Variants in KIAA0586 observed in about 807,000 individuals in gnomAD.
The protein encoded by KIAA0586 is KIAA0586.
In KIAA0586, 144 loss-of-function variants were observed where a neutral mutation model predicts 169.8. The observed-to-expected ratio is 0.85, with a 90% CI of 0.74 to 0.97. KIAA0586 has a LOEUF of 0.97. Among genes scored for constraint, KIAA0586 ranks in the 50% least tolerant of loss-of-function variants. The probability of loss-of-function intolerance (pLI) is 0.00; values close to 1 mark genes in which losing one functional copy is unlikely to be tolerated. For missense variants in KIAA0586, 1,854 were observed against 1,823.0 expected (o/e 1.02, Z -0.31); for synonymous variants, 625 against 612.4 (o/e 1.02, Z -0.30).
chr14:58,445,584 C>T (rs1200991085), intron 6 of KIAA0586, among the ~76,000 whole-genome samples: 1 of 151,820 alleles, frequency 6.6e-6, no homozygotes, highest in East Asian at 1.9e-4. Flanking sequence ...CCAGCCTGCG[C>T]CACCATGCCC....
intron 21 of KIAA0586, among the ~76,000 whole-genome samples, chr14:58,485,143 C>G (rs534426406): frequency 6.7e-6 from 1 of 149,724 alleles, no homozygotes; most frequent in Non-Finnish European, 1.5e-5. Context: ...AGGCTGGTCT[C>G]GAACTCCTGA....
intron 2 of KIAA0586, among the ~76,000 whole-genome samples, chr14:58,430,411 G>A (rs2037262816): frequency 6.6e-6 from 1 of 152,090 alleles, no homozygotes; most frequent in Admixed American, 6.5e-5. Context: ...TGCTACATTT[G>A]CTTGCTGGTT....
chr14:58,537,983 A>T (rs1038580892), intron 29 of KIAA0586, among the ~76,000 whole-genome samples: 2 of 152,082 alleles, frequency 1.3e-5, no homozygotes, highest in East Asian at 1.9e-4. Context: ...AAGATTTTTT[A>T]AAATTGTATC....
At chr14:58,498,285 C>T (rs569753379) in intron 26 of KIAA0586, among the ~76,000 whole-genome samples, 23 of 152,106 alleles carry the variant, frequency 1.5e-4, no homozygotes, top group Non-Finnish European at 3.2e-4. Flanking sequence ...AAGCTAGCCT[C>T]CTGCCTCAGC....
chr14:58,448,383 C>T lies in KIAA0586; in HGVS notation c.851C>T (p.Pro284Leu). 6.2e-7 allele frequency: 1 copy of T among 1,606,620 alleles called. No individual in the cohort carries two copies. Among genetic ancestry groups the T allele is most frequent in the Non-Finnish European group, 8.5e-7 (1 of 1,173,824 alleles). ...SAALKTSSFQ[P>L]VSMPSSRAVE... is the part of the protein sequence containing the mutation. ...GCACTCAAGACTAGTAGTTTTCAGC[C>T]TGTTAGTATGCCCTCCTCCAGAGCA... The change falls in exon 7 of 31, where the codon CCT (proline) becomes CTT (leucine). Residue 284 changes from proline (P) to leucine (L), a missense_variant. Pro to Leu is a moderately conservative substitution (Grantham distance 98). Coordinates refer to ENST00000652326, the MANE Select transcript of KIAA0586 (RefSeq NM_001329943.3).
intron 18 of KIAA0586, among the ~76,000 whole-genome samples, 168 bp downstream of exon 18, chr14:58,472,447 T>C (rs1379597974): frequency 6.6e-6 from 1 of 152,114 alleles, no homozygotes; most frequent in African/African-American, 2.4e-5. Context: ...CTAGAATGTC[T>C]TTAATCTATA....
At position 58,551,084 on chromosome 14, in the gene KIAA0586, G is replaced by A. The variant is rs945743487; in HGVS notation, c.*3152G>A. 1 of 152,120 alleles carries A rather than the reference G, an allele frequency of 6.6e-6. No homozygotes were observed. The highest frequency in any genetic ancestry group is 1.5e-5 in the Non-Finnish European group (1 of 68,118). The allele number at this position is 152,120 out of a possible 1,614,324, so 9.4% of individuals were successfully genotyped here. ...TGTGCCTGTAATCCCAGCTACTTGG[G>A]AGGCTGAGGCAGGAGAATTGCTTCA... On this transcript the variant is annotated 3_prime_UTR_variant, in exon 31 of 31. Coordinates refer to ENST00000652326, the MANE Select transcript of KIAA0586 (RefSeq NM_001329943.3).
intron 8 of KIAA0586, among the ~76,000 whole-genome samples, chr14:58,451,783 A>T (rs2140730408): frequency 6.6e-6 from 1 of 152,114 alleles, no homozygotes; most frequent in South Asian, 2.1e-4. Context: ...TCCTAGGTTC[A>T]AGCGATTCTC....
At chr14:58,506,610 C>A (rs1431640862) in intron 27 of KIAA0586, among the ~76,000 whole-genome samples, 1 of 151,644 alleles carries the variant, frequency 6.6e-6, no homozygotes, top group South Asian at 2.1e-4. Context: ...TCGCTTGAAC[C>A]CGGGAGGTGG....
chr14:58,484,081 A>G (rs1045815665), intron 21 of KIAA0586, among the ~76,000 whole-genome samples: 3 of 152,152 alleles, frequency 2.0e-5, no homozygotes, highest in African/African-American at 7.2e-5. Flanking sequence ...TGGATGAGAA[A>G]ATGTGGGAAA....
chr14:58,453,776 A>G (rs2039594778), intron 9 of KIAA0586, among the ~76,000 whole-genome samples: 1 of 152,140 alleles, frequency 6.6e-6, no homozygotes, highest in Admixed American at 6.5e-5. Flanking sequence ...GTAAGTTGGG[A>G]GTATAGATAA....
chr14:58,436,762 A>C (rs1424799088), intron 4 of KIAA0586, among the ~76,000 whole-genome samples: 1 of 152,196 alleles, frequency 6.6e-6, no homozygotes, highest in Non-Finnish European at 1.5e-5. Context: ...AGCTAAGATA[A>C]ATTTGGAAAA....
rs766898521 is a variant in KIAA0586, at chr14:58,508,712, A to G, written c.4323+3A>G. On this transcript the variant is annotated splice_donor_region_variant and intron_variant, in intron 28 of 30. Transcript: ENST00000652326. ...TAGCCGCTGAAGATTTTTCCCAGGT[A>G]CCAAATTAATAGCACTTGTATTTTA... 1.3e-6 allele frequency: 2 copies of G among 1,575,608 alleles called. No individual in the cohort carries two copies. Among genetic ancestry groups the G allele is most frequent in the Admixed American group, 3.7e-5 (2 of 54,454 alleles).
At chr14:58,490,264 C>T in intron 25 of KIAA0586, 24 bp downstream of exon 25, 1 of 1,317,142 alleles carries the variant, frequency 7.6e-7, no homozygotes, top group Non-Finnish European at 1.0e-6. Flanking sequence ...GACTCCAACA[C>T]TGAATTCTGA....
chr14:58,467,681 C>G, intron 15 of KIAA0586, 54 bp from the exon 16 acceptor site: 1 of 1,331,046 alleles, frequency 7.5e-7, no homozygotes, highest in African/African-American at 1.5e-5. Flanking sequence ...GTATATTAGA[C>G]TTTTCCCTTT....
chr14:58,428,916 CAT>C (rs1054134615), intron 1 of KIAA0586, among the ~76,000 whole-genome samples: 9 of 152,238 alleles, frequency 5.9e-5, no homozygotes, highest in East Asian at 1.9e-4. Flanking sequence ...ATAAGGATAA[CAT>C]ATGCTTTACC....
At position 58,547,837 on chromosome 14, in the gene KIAA0586, A is replaced by ATGC; in HGVS notation, c.4556_4558dup (p.Leu1519dup). On this transcript the variant is annotated inframe_insertion, in exon 31 of 31. Coordinates refer to ENST00000652326, the MANE Select transcript of KIAA0586 (RefSeq NM_001329943.3). The stretch of plus-strand genomic sequence containing the variant: ...GATGCCCCCTGCCAAGATGTCAGTG[A>ATGC]TGCTGCCGTCAGTGAACCTCGAGGA... 6.2e-7 allele frequency: 1 copy of ATGC among 1,613,758 alleles called. No individual in the cohort carries two copies.
In KIAA0586 at chr14:58,472,276, A is replaced by G. The variant is rs367998141; in HGVS notation, c.2631A>G (p.Ile877Met). Residue 877 changes from isoleucine (I) to methionine (M), a missense_variant, in exon 18 of 31, where the codon ATA becomes ATG. Transcript: ENST00000652326. ...ACTTTGATGAAATAATCGATGTCATACAGGTAACAAAGCTTAGAAACCATG... is the reference window on the plus strand; with the variant it reads ...ACTTTGATGAAATAATCGATGTCATGCAGGTAACAAAGCTTAGAAACCATG... ...GTNFDEIIDVIQEEEKCDEIP... is the reference protein window; with the variant it reads ...GTNFDEIIDVMQEEEKCDEIP... The G allele has an allele frequency of 1.3e-6, 2 of 1,531,950 alleles. No individual in the cohort carries two copies. Among genetic ancestry groups the G allele is most frequent in the African/African-American group, 1.4e-5 (1 of 71,668 alleles). The allele number at this position is 1,531,950 out of a possible 1,614,324, so 94.9% of individuals were successfully genotyped here. A position where few individuals can be genotyped will look rare whatever the true frequency, so the allele number is the denominator to read the frequency against.
intron 4 of KIAA0586, among the ~76,000 whole-genome samples, chr14:58,440,644 A>C (rs1165054388): frequency 2.6e-5 from 4 of 152,158 alleles, no homozygotes; most frequent in Non-Finnish European, 5.9e-5. Context: ...CCTGAGTGAT[A>C]TTTGTTAAGT....
Sources: gnomAD v4.1 joint callset for allele counts (sites outside exome capture counted in the v4.1 genomes callset) on GRCh38, gnomAD v4.1.1 for gene constraint, MANE v1.5 for transcripts, NCBI Gene and HGNC (gene_info 2026-07-23, HGNC 2026-07-21) for gene names.